Variants in TNNI3K observed in about 807,000 individuals in gnomAD.
TNNI3K encodes the protein TNNI3 interacting kinase.
A neutral mutation model predicts 114.5 loss-of-function variants in TNNI3K; 140 were observed. That is an observed-to-expected ratio of 1.22 (90% CI 1.07 to 1.41). TNNI3K has a LOEUF of 1.41. Among genes scored for constraint, TNNI3K ranks in the 40% most tolerant of loss-of-function variants. TNNI3K has a pLI of 0.00. For missense variants in TNNI3K, 1,125 were observed against 1,007.6 expected, an observed-to-expected ratio of 1.12 and a Z score of -1.58; for synonymous variants, 347 against 347.5, an observed-to-expected ratio of 1.00 and a Z score of 0.02.
chr1:74,277,940 A>T (rs566770191), intron 5 of TNNI3K, among the ~76,000 whole-genome samples: 9 of 152,286 alleles, frequency 5.9e-5, no homozygotes, highest in Non-Finnish European at 1.2e-4. Flanking sequence ...TTTGGAACTT[A>T]TTTCTGATTT....
intron 17 of TNNI3K, among the ~76,000 whole-genome samples, chr1:74,420,545 C>T (rs939568960): frequency 5.3e-5 from 8 of 152,084 alleles, no homozygotes; most frequent in African/African-American, 1.9e-4. Context: ...TTATTAAATA[C>T]CAACATACAT....
intron 17 of TNNI3K, chr1:74,370,606 A>T (rs1056288625): frequency 2.7e-6 from 1 of 365,306 alleles, no homozygotes; most frequent in Non-Finnish European, 4.9e-6. Context: ...TTTTAAATCT[A>T]TGAAGAATAT....
At chr1:74,464,808 C>G (rs898533234) in intron 21 of TNNI3K, 2 of 1,506,706 alleles carry the variant, frequency 1.3e-6, no homozygotes, top group Admixed American at 4.3e-5. Flanking sequence ...TCCATCACTA[C>G]CAAAATGTTA....
chr1:74,382,012 T>C (rs988986937), intron 17 of TNNI3K, among the ~76,000 whole-genome samples: 2 of 152,224 alleles, frequency 1.3e-5, no homozygotes, highest in African/African-American at 2.4e-5. Context: ...GCACCTTTTC[T>C]TCTCCATACT....
chr1:74,497,457 G>T (rs1669385777), intron 23 of TNNI3K, among the ~76,000 whole-genome samples: 1 of 151,952 alleles, frequency 6.6e-6, no homozygotes, highest in African/African-American at 2.4e-5. Flanking sequence ...AGCAATTTCA[G>T]CACCTTGCTC....
At chr1:74,322,913 A>G (rs924262090) in intron 5 of TNNI3K, among the ~76,000 whole-genome samples, 2 of 152,082 alleles carry the variant, frequency 1.3e-5, no homozygotes, top group African/African-American at 4.8e-5. Flanking sequence ...TCTTTCTTCA[A>G]TCCATTCAAT....
At chr1:74,401,023 C>A (rs898835598) in intron 17 of TNNI3K, among the ~76,000 whole-genome samples, 1 of 152,156 alleles carries the variant, frequency 6.6e-6, no homozygotes, top group African/African-American at 2.4e-5. Flanking sequence ...GTTTTAAAGT[C>A]TTTAATTCAA....
At chr1:74,472,563 C>T (rs992382400) in intron 21 of TNNI3K, among the ~76,000 whole-genome samples, 1 of 151,988 alleles carries the variant, frequency 6.6e-6, no homozygotes, top group Non-Finnish European at 1.5e-5. Flanking sequence ...GAATTCATTT[C>T]CCATTTGCAA....
At chr1:74,445,015 T>A (rs1570628299) in intron 20 of TNNI3K, among the ~76,000 whole-genome samples, 1 of 151,990 alleles carries the variant, frequency 6.6e-6, no homozygotes, top group Non-Finnish European at 1.5e-5. Context: ...CTTCCTTATA[T>A]CTTATACAAA....
chr1:74,424,737 AG>A (rs1242314130), intron 17 of TNNI3K, among the ~76,000 whole-genome samples: 6 of 145,448 alleles, frequency 4.1e-5, no homozygotes, highest in East Asian at 2.0e-4. Flanking sequence ...AAAAAAAAAG[AG>A]AGAGACATAG....
At chr1:74,338,038 C>T (rs757698207) in intron 7 of TNNI3K, among the ~76,000 whole-genome samples, 1 of 151,900 alleles carries the variant, frequency 6.6e-6, no homozygotes, top group Non-Finnish European at 1.5e-5. Flanking sequence ...CATATATGTT[C>T]ATCTCTCTTG....
At chr1:74,302,649 C>A (rs886963677) in intron 5 of TNNI3K, among the ~76,000 whole-genome samples, 18 of 152,214 alleles carry the variant, frequency 1.2e-4, no homozygotes, top group African/African-American at 3.9e-4. Flanking sequence ...CTAGTCACAA[C>A]ATTACTTTAA....
At chr1:74,252,522 CT>C in intron 4 of TNNI3K, among the ~76,000 whole-genome samples, 1 of 152,206 alleles carries the variant, frequency 6.6e-6, no homozygotes, top group Non-Finnish European at 1.5e-5. Context: ...GTCTCACTCA[CT>C]TCAAGAATGA....
chr1:74,296,070 T>A (rs1657962883), intron 5 of TNNI3K, among the ~76,000 whole-genome samples: 1 of 118,372 alleles, frequency 8.4e-6, no homozygotes, highest in Non-Finnish European at 1.7e-5. Context: ...GGTCAGAAGA[T>A]CGAGACCATC....
chr1:74,243,292 A>G (rs768072296), intron 2 of TNNI3K, among the ~76,000 whole-genome samples: 7 of 152,218 alleles, frequency 4.6e-5, no homozygotes, highest in South Asian at 2.1e-4. Flanking sequence ...TTGGAGATAT[A>G]TATTAGAAAC....
At chr1:74,322,857 A>G (rs181217567) in intron 5 of TNNI3K, among the ~76,000 whole-genome samples, 41 of 152,054 alleles carry the variant, frequency 2.7e-4, no homozygotes, top group African/African-American at 9.9e-4. Context: ...ACAAAACAAA[A>G]CTTACTGCAG....
chr1:74,531,912 T>G (rs1416467898), intron 23 of TNNI3K, among the ~76,000 whole-genome samples: 2 of 152,196 alleles, frequency 1.3e-5, no homozygotes, highest in African/African-American at 2.4e-5. Context: ...TGTGAGGCCT[T>G]AAATGGTGTT....
At chr1:74,445,637 G>A (rs1299820978) in intron 20 of TNNI3K, among the ~76,000 whole-genome samples, 1 of 136,802 alleles carries the variant, frequency 7.3e-6, no homozygotes, top group Non-Finnish European at 1.5e-5. Flanking sequence ...TTGAGACGGA[G>A]TCTCGCTCTG....
At chr1:74,418,117 G>A in intron 17 of TNNI3K, 1 of 446,722 alleles carries the variant, frequency 2.2e-6, no homozygotes, top group South Asian at 1.6e-5. Context: ...TGGGACTGTG[G>A]GAAGTCTTCC....
Sources: gnomAD v4.1 joint callset for allele counts (sites outside exome capture counted in the v4.1 genomes callset) on GRCh38, gnomAD v4.1.1 for gene constraint, MANE v1.5 for transcripts, NCBI Gene and HGNC (gene_info 2026-07-23, HGNC 2026-07-21) for gene names.